PBK: variants seen among roughly 807,000 people sequenced by gnomAD.
PBK encodes PDZ binding kinase.
A neutral mutation model predicts 33.5 loss-of-function variants in PBK; 22 were observed. The ratio of observed to expected loss-of-function variants is 0.66; its 90% CI spans 0.47 to 0.94. PBK has a LOEUF of 0.94. PBK is among the 40% of genes least tolerant of loss of function. PBK has a pLI of 0.00. For missense variants in PBK, 376 were observed against 383.4 expected, an observed-to-expected ratio of 0.98 and a Z score of 0.16; for synonymous variants, 129 against 123.8, an observed-to-expected ratio of 1.04 and a Z score of -0.28.
intron 2 of PBK, among the ~76,000 whole-genome samples, chr8:27,829,078 G>A (rs1303374126): frequency 3.0e-5 from 4 of 135,118 alleles, no homozygotes; most frequent in Admixed American, 8.2e-5. Flanking sequence ...AGGACTAGGC[G>A]GCTAGAATTT....
At chr8:27,815,899 A>C (rs1412227492) in intron 6 of PBK, among the ~76,000 whole-genome samples, 2 of 152,212 alleles carry the variant, frequency 1.3e-5, no homozygotes, top group East Asian at 3.8e-4. Flanking sequence ...TCTGACAACA[A>C]AAGTTTGATG....
rs562535794 is a variant in PBK at position 27,817,993 on chromosome 8, TTAATG to T, written c.595+2567_595+2571del. Among the ~76,000 whole-genome samples the T allele has an allele frequency of 9.8e-5, 15 of 152,316 alleles. No homozygotes were observed. In the South Asian group the frequency reaches 3.1e-3, roughly 32 times the overall value. ...AGAAAATAATTTCAATGTTTTAATA[TTAATG>T]TAAATAGCAACATGCAGCTCATAAC... is the stretch of plus-strand genomic sequence containing the variant. On this transcript the variant is annotated intron_variant, in intron 6 of 7. Transcript: ENST00000301905.
intron 6 of PBK, among the ~76,000 whole-genome samples, chr8:27,813,749 T>C (rs989253765): frequency 6.6e-6 from 1 of 152,186 alleles, no homozygotes; most frequent in Admixed American, 6.5e-5. Context: ...ACGTACAGCA[T>C]AGTGAGGACA....
intron 6 of PBK, among the ~76,000 whole-genome samples, chr8:27,818,610 C>G (rs916396703): frequency 6.6e-6 from 1 of 152,042 alleles, no homozygotes; most frequent in Non-Finnish European, 1.5e-5. Context: ...CATAATAGAG[C>G]TTTTATCTGT....
chr8:27,833,996 C>T (rs1469914550), intron 1 of PBK, among the ~76,000 whole-genome samples: 1 of 150,382 alleles, frequency 6.6e-6, no homozygotes, highest in African/African-American at 2.4e-5. Flanking sequence ...ATGAAAGAAG[C>T]CAGACACATA....
In PBK at chr8:27,810,388, G is replaced by A. The variant is rs534955062; in HGVS notation, c.886C>T (p.Leu296Phe). ...TCTTCATTAGTGCATACAGAGAAGA[G>A]TTCAATTACTTTCTGGTATGATTCA... ...LDESYQKVIE[L>F]FSVCTNEDPK... Residue 296 changes from leucine to phenylalanine, a missense_variant, in exon 8 of 8, where the codon CTC becomes TTC. Physicochemically the swap from Leu to Phe is conservative, Grantham distance 22. Transcript: ENST00000301905. The A allele has an allele frequency of 6.2e-7, 1 of 1,609,040 alleles. No homozygotes were observed. Among genetic ancestry groups the A allele is most frequent in the East Asian group, 2.2e-5 (1 of 44,848 alleles).
chr8:27,825,251 G>GC (rs1806004041), intron 3 of PBK, among the ~76,000 whole-genome samples: 1 of 152,166 alleles, frequency 6.6e-6, no homozygotes, highest in Admixed American at 6.5e-5. Flanking sequence ...ACCAGCCTGG[G>GC]CAATATAGTG....
chr8:27,826,901 AAG>A (rs1331835794), intron 3 of PBK, among the ~76,000 whole-genome samples: 7 of 138,998 alleles, frequency 5.0e-5, no homozygotes, highest in African/African-American at 7.4e-5. Flanking sequence ...TTTTTTTAAA[AAG>A]GGGGAAAAAA....
Position 27,818,937 on chromosome 8 carries a change from G to GTCCAGATAA in PBK, c.595+1619_595+1627dup, listed in dbSNP as rs1451488633. ...AAACAGCTGTGTTTTTTTCTAAAAT[G>GTCCAGATAA]TCCAGATAACATCATTTACTGACTA... On this transcript the variant is annotated intron_variant, in intron 6 of 7. Transcript: ENST00000301905. Among the ~76,000 whole-genome samples the GTCCAGATAA allele has an allele frequency of 6.6e-5, 10 of 152,166 alleles. No homozygotes were observed. In the East Asian group the frequency reaches 1.3e-3, roughly 21 times the overall value.
At chr8:27,818,696 T>A (rs1313351308) in intron 6 of PBK, among the ~76,000 whole-genome samples, 7 of 152,148 alleles carry the variant, frequency 4.6e-5, no homozygotes, top group Non-Finnish European at 1.0e-4. Context: ...GTTTCTAATG[T>A]CTTAAGCTCC....
rs765577188 is a variant in PBK, at chr8:27,810,268, G to C, written c.*37C>G. On this transcript the variant is annotated 3_prime_UTR_variant, in exon 8 of 8. Transcript: ENST00000301905. ...CTATGTAAATATTTTGGAATAAACA[G>C]TTATTTACGCAAGCCACACTTCAGC... is the stretch of plus-strand genomic sequence containing the variant. 7.2e-6 allele frequency: 10 copies of C among 1,389,616 alleles called. No individual in the cohort carries two copies. The South Asian group carries it at 1.2e-4, about 17-fold the overall frequency. 86.1% of individuals were successfully genotyped at this position (1,389,616 alleles called of 1,614,324 possible).
chr8:27,810,551 G>A (rs1469025299), intron 7 of PBK, 50 bp from the exon 8 acceptor site: 1 of 1,181,960 alleles, frequency 8.5e-7, no homozygotes. Flanking sequence ...TTTATGTCAT[G>A]GAAAAGTTTA....
At chr8:27,817,132 G>A (rs1024397402) in intron 6 of PBK, among the ~76,000 whole-genome samples, 4 of 152,084 alleles carry the variant, frequency 2.6e-5, no homozygotes, top group Non-Finnish European at 4.4e-5. Context: ...AGCTGTGAGT[G>A]AGTCCAGGTA....
At chr8:27,817,945 T>C (rs796378177) in intron 6 of PBK, among the ~76,000 whole-genome samples, 5 of 152,332 alleles carry the variant, frequency 3.3e-5, no homozygotes, top group African/African-American at 9.6e-5. Context: ...TTCTGAGCAC[T>C]TGAATTGTGG....
intron 6 of PBK, among the ~76,000 whole-genome samples, chr8:27,817,753 G>C (rs893128533): frequency 6.6e-6 from 1 of 152,062 alleles, no homozygotes; most frequent in Non-Finnish European, 1.5e-5. Context: ...TTTAAATACA[G>C]CTTTCCAAAC....
rs1805964187 is a variant in PBK, at chr8:27,823,198, T to C, written c.160A>G (p.Arg54Gly). 1.3e-6 allele frequency: 2 copies of C among 1,504,064 alleles called. No homozygotes were observed. The highest frequency in any genetic ancestry group is 1.4e-5 in the African/African-American group (1 of 70,694). The allele number at this position is 1,504,064 out of a possible 1,614,324, so 93.2% of individuals were successfully genotyped here. ...VNVYLMKRSPRGLSHSPWAVK... is the reference protein window; with the variant it reads ...VNVYLMKRSPGGLSHSPWAVK... The stretch of plus-strand genomic sequence containing the variant: ...GCCCAAGGAGAATGAGACAAACCTC[T>C]TGGAGATCTAAGAAAAAAATTCATT... Residue 54 changes from arginine (R) to glycine (G), a missense_variant, in exon 4 of 8, where the codon AGA becomes GGA. Arg to Gly is a moderately radical substitution (Grantham distance 125). Coordinates refer to ENST00000301905, the MANE Select transcript of PBK (RefSeq NM_018492.4).
chr8:27,828,518 G>A (rs1165908962), intron 2 of PBK, among the ~76,000 whole-genome samples: 1 of 151,966 alleles, frequency 6.6e-6, no homozygotes, highest in African/African-American at 2.4e-5. Flanking sequence ...TAATCTCAAC[G>A]CTTTTGGAGT....
In PBK at chr8:27,826,661, T is replaced by C. The variant is rs1806029423; in HGVS notation, c.152+1444A>G. Among the ~76,000 whole-genome samples, 2 of 141,942 alleles carry C rather than the reference T, an allele frequency of 1.4e-5. 1 individual carries two copies. Among genetic ancestry groups the C allele is most frequent in the African/African-American group, 5.5e-5 (2 of 36,060 alleles). The allele number at this position is 141,942 out of a possible 152,430, so 93.1% of individuals were successfully genotyped here. A position where few individuals can be genotyped will look rare whatever the true frequency, so the allele number is the denominator to read the frequency against. ...AATACAAAAAATTAGCCGGGCGTGG[T>C]GGCGGGCGCCTGTAGTCCCAGCTAC... On this transcript the variant is annotated intron_variant, in intron 3 of 7. Transcript: ENST00000301905.
At chr8:27,813,881 G>A (rs72609985) in intron 6 of PBK, among the ~76,000 whole-genome samples, 19,830 of 152,140 alleles carry the variant, frequency 0.13, 1,534 homozygotes, top group East Asian at 0.34. Flanking sequence ...TGATACCTGT[G>A]TTTGTGAAGG....
Sources: gnomAD v4.1 joint callset for allele counts (sites outside exome capture counted in the v4.1 genomes callset) on GRCh38, gnomAD v4.1.1 for gene constraint, MANE v1.5 for transcripts, NCBI Gene and HGNC (gene_info 2026-07-23, HGNC 2026-07-21) for gene names.